Variants in CCK observed in about 807,000 individuals in gnomAD.
CCK encodes cholecystokinin, also known as cholecystokinin triacontatriapeptide.
CCK carries 11 observed loss-of-function variants against 10.1 expected under a neutral mutation model. That is an observed-to-expected ratio of 1.09 (90% confidence interval 0.69 to 1.81). The LOEUF is 1.81. Among genes scored for constraint, CCK ranks in the 40% most tolerant of loss-of-function variants. CCK has a pLI of 0.00. For missense variants in CCK, 137 were observed against 159.9 expected (o/e 0.86, Z 0.77); for synonymous variants, 83 against 71.9 (o/e 1.15, Z -0.78).
At chr3:42,263,349 G>T (rs760294937) in intron 4 of CCK, 68 bp downstream of exon 4, 80 of 1,611,648 alleles carry the variant, frequency 5.0e-5, no homozygotes, top group Non-Finnish European at 6.3e-5. Flanking sequence ...TAGCGCTAGA[G>T]AAGAGGGTCA....
At chr3:42,263,117 A>G (rs2278794) in intron 4 of CCK, 251,439 of 483,768 alleles carry the variant, frequency 0.52, 66,510 homozygotes, top group South Asian at 0.63. Flanking sequence ...CACTGTATCT[A>G]GGAACCCTTT....
At chr3:42,260,642 A>G (rs1300239981) in intron 4 of CCK, among the ~76,000 whole-genome samples, 1 of 152,226 alleles carries the variant, frequency 6.6e-6, no homozygotes, top group Admixed American at 6.5e-5. Flanking sequence ...ATGGGCCACA[A>G]GAGATGGACG....
At chr3:42,263,940 T>C (rs1170861236) in intron 3 of CCK, 8 of 353,250 alleles carry the variant, frequency 2.3e-5, no homozygotes, top group Non-Finnish European at 4.0e-5. Flanking sequence ...GTTTGCAGAG[T>C]GCCTCTCTTC....
intron 3 of CCK, 117 bp from the exon 4 acceptor site, chr3:42,263,749 A>T: frequency 7.1e-7 from 1 of 1,417,284 alleles, no homozygotes; most frequent in Non-Finnish European, 9.2e-7. Context: ...CAGACCCGCC[A>T]GGCCGCCGCA....
intron 4 of CCK, among the ~76,000 whole-genome samples, chr3:42,261,608 C>CTTT (rs3073696): frequency 2.8e-3 from 406 of 145,622 alleles, no homozygotes; most frequent in African/African-American, 6.8e-3. Context: ...TGGTAATGAG[C>CTTT]TTTTTTTTTT....
Position 42,263,423 on chromosome 3 carries a change from G to A in CCK, c.208C>T (p.Arg70Trp). 3 of 1,614,142 alleles carry A rather than the reference G, an allele frequency of 1.9e-6. No homozygotes were observed. The highest frequency in any genetic ancestry group is 1.7e-6 in the Non-Finnish European group (2 of 1,180,020). Residue 70 changes from arginine (R) to tryptophan (W), a missense_variant, in exon 4 of 5, where the codon CGG becomes TGG. Arg to Trp is a moderately radical substitution (Grantham distance 101). Transcript: ENST00000396169. ...ALLARYIQQARKAPSGRMSIV... is the reference protein window; with the variant it reads ...ALLARYIQQAWKAPSGRMSIV... ...GGGGAGGCAGCATTCTTACCTTTCC[G>A]GGCCTGCTGGATGTATCTTGCCAGC...
intron 3 of CCK, chr3:42,263,854 G>A: frequency 1.7e-6 from 1 of 603,438 alleles, no homozygotes; most frequent in Non-Finnish European, 2.6e-6. Context: ...CTCACCCAGC[G>A]CCAAGGGGCA....
chr3:42,260,416 G>A (rs1267259226), intron 4 of CCK, among the ~76,000 whole-genome samples: 1 of 152,180 alleles, frequency 6.6e-6, no homozygotes, highest in Non-Finnish European at 1.5e-5. Context: ...GAAGCAAGGT[G>A]ACAGCTTCAA....
Position 42,263,585 on chromosome 3 carries a change from C to A in CCK, c.46G>T (p.Ala16Ser). 1 of 1,606,748 alleles carries A rather than the reference C, an allele frequency of 6.2e-7. No homozygotes were observed. The change falls in exon 4 of 5, where the codon GCT (alanine) becomes TCT (serine). Residue 16 changes from alanine (A) to serine (S), a missense_variant. By Grantham distance (99) the Ala-to-Ser change is moderately conservative (BLOSUM62 1). Coordinates refer to ENST00000396169, the MANE Select transcript of CCK (RefSeq NM_000729.6). ...GGCACCGGCTGCGTCAGGGCGCCAG[C>A]CGCCAGTACCGCCATCAGCACGCAC... is the stretch of plus-strand genomic sequence containing the variant. ...CLCVLMAVLA[A>S]GALTQPVPPA...
In CCK at chr3:42,263,409, A is replaced by G; in HGVS notation, c.214+8T>C. On this transcript the variant is annotated splice_region_variant and intron_variant, in intron 4 of 4. Transcript: ENST00000396169. ...CAGAAGTGAGGGATGGGGAGGCAGCATTCTTACCTTTCCGGGCCTGCTGGA... is the reference window on the plus strand; with the variant it reads ...CAGAAGTGAGGGATGGGGAGGCAGCGTTCTTACCTTTCCGGGCCTGCTGGA... 6.2e-7 allele frequency: 1 copy of G among 1,614,172 alleles called. No individual in the cohort carries two copies. Among genetic ancestry groups the G allele is most frequent in the East Asian group, 2.2e-5 (1 of 44,868 alleles).
chr3:42,263,211 G>T, intron 4 of CCK: 1 of 734,584 alleles, frequency 1.4e-6, no homozygotes, highest in Non-Finnish European at 2.3e-6. Context: ...TTAGTTCAAA[G>T]AAAGCTTTTC....
chr3:42,263,838 G>A, intron 3 of CCK: 4 of 727,904 alleles, frequency 5.5e-6, no homozygotes, highest in Non-Finnish European at 6.2e-6. Context: ...TGGTCTTTGG[G>A]AACTCCTCAC....
At chr3:42,259,056 C>T (rs1559423924) in intron 4 of CCK, among the ~76,000 whole-genome samples, 2 of 152,286 alleles carry the variant, frequency 1.3e-5, no homozygotes, top group East Asian at 3.9e-4. Context: ...TTTGCAGGGA[C>T]ATGGATGAAG....
chr3:42,262,579 G>A (rs757252414), intron 4 of CCK, among the ~76,000 whole-genome samples: 31 of 152,150 alleles, frequency 2.0e-4, no homozygotes, highest in Admixed American at 7.9e-4. Context: ...CTCCACAGCC[G>A]GTGTTCATCA....
intron 4 of CCK, among the ~76,000 whole-genome samples, chr3:42,259,137 G>C (rs1010311248): frequency 6.6e-6 from 1 of 151,952 alleles, no homozygotes; most frequent in Non-Finnish European, 1.5e-5. Context: ...TCACTCATAA[G>C]TGGAAGTTGA....
chr3:42,263,303 C>A, intron 4 of CCK, 114 bp downstream of exon 4: 1 of 1,520,616 alleles, frequency 6.6e-7, no homozygotes, highest in Non-Finnish European at 9.1e-7. Flanking sequence ...AATCATGTTG[C>A]TTGTTTCCTA....
At position 42,263,438 on chromosome 3, in the gene CCK, A is replaced by G; in HGVS notation, c.193T>C (p.Tyr65His). ...RAHLGALLAR[Y>H]IQQARKAPSG... ...TTACCTTTCCGGGCCTGCTGGATGT[A>G]TCTTGCCAGCAGGGCGCCCAGGTGC... Residue 65 changes from tyrosine to histidine, a missense_variant, in exon 4 of 5, where the codon TAC becomes CAC. Tyr to His is a moderately conservative substitution (Grantham distance 83). Coordinates refer to ENST00000396169, the MANE Select transcript of CCK (RefSeq NM_000729.6). The G allele has an allele frequency of 1.2e-6, 2 of 1,614,160 alleles. No individual in the cohort carries two copies. Among genetic ancestry groups the G allele is most frequent in the South Asian group, 2.2e-5 (2 of 91,086 alleles).
In CCK at chr3:42,258,060, G is replaced by A; in HGVS notation, c.*38C>T. On this transcript the variant is annotated 3_prime_UTR_variant, in exon 5 of 5. Coordinates refer to ENST00000396169, the MANE Select transcript of CCK (RefSeq NM_000729.6). ...TCTTATTCTGCCTCCTCTGGGTTGG[G>A]AGGTTGCTTCCCGTTGGGCTGATGG... 3 of 1,589,078 alleles carry A rather than the reference G, an allele frequency of 1.9e-6. No homozygotes were observed. The highest frequency in any genetic ancestry group is 2.6e-6 in the Non-Finnish European group (3 of 1,168,580).
intron 3 of CCK, chr3:42,263,941 G>A (rs967749008): frequency 5.8e-6 from 2 of 347,574 alleles, no homozygotes; most frequent in Non-Finnish European, 1.0e-5. Context: ...TTTGCAGAGT[G>A]CCTCTCTTCT....
Sources: allele counts gnomAD v4.1 joint callset (sites outside exome capture counted in the v4.1 genomes callset), GRCh38; gene constraint gnomAD v4.1.1; transcripts MANE v1.5; gene names NCBI Gene and HGNC (gene_info 2026-07-23, HGNC 2026-07-21).